RAPGEF6: variants seen among roughly 807,000 people sequenced by gnomAD.
RAPGEF6 encodes the protein Rap guanine nucleotide exchange factor 6.
Under a neutral mutation model 171.4 loss-of-function variants are expected in RAPGEF6, and 56 were observed. The ratio of observed to expected loss-of-function variants is 0.33; its 90% CI spans 0.26 to 0.41. RAPGEF6 has a LOEUF of 0.41. Among genes scored for constraint, RAPGEF6 ranks in the 10% least tolerant of loss-of-function variants. The pLI, the probability that RAPGEF6 is intolerant of heterozygous loss-of-function variation, is 1.00. For synonymous variants in RAPGEF6, 692 were observed against 650.1 expected (o/e 1.06, Z -0.98); for missense variants, 1,674 against 1,921.4 (o/e 0.87, Z 2.41).
chr5:131,463,956 T>C, intron 18 of RAPGEF6, 85 bp downstream of exon 18: 4 of 1,493,604 alleles, frequency 2.7e-6, no homozygotes, highest in Non-Finnish European at 3.6e-6. Context: ...AACATGATAA[T>C]GTTTCTACTT....
intron 5 of RAPGEF6, among the ~76,000 whole-genome samples, chr5:131,556,790 T>G (rs945152264): frequency 3.3e-5 from 5 of 152,194 alleles, no homozygotes; most frequent in African/African-American, 1.2e-4. Flanking sequence ...CATATTTCAC[T>G]GGGATTTCAT....
At chr5:131,475,684 C>G (rs997918343) in intron 16 of RAPGEF6, among the ~76,000 whole-genome samples, 3 of 152,206 alleles carry the variant, frequency 2.0e-5, no homozygotes, top group African/African-American at 7.2e-5. Context: ...TCAATAAAAA[C>G]CATACTTCCG....
chr5:131,578,681 G>T (rs535110596), intron 4 of RAPGEF6, among the ~76,000 whole-genome samples: 2 of 152,042 alleles, frequency 1.3e-5, no homozygotes, highest in Non-Finnish European at 2.9e-5. Flanking sequence ...AACTTCCACC[G>T]TCCAAATGTT....
intron 6 of RAPGEF6, chr5:131,533,025 A>G (rs975343365): frequency 2.0e-5 from 3 of 152,620 alleles, no homozygotes; most frequent in Non-Finnish European, 4.4e-5. Context: ...GTAAGATGAA[A>G]TATCTAATAA....
intron 6 of RAPGEF6, among the ~76,000 whole-genome samples, chr5:131,524,608 T>TGGAGAGAGAGAGAGAGAG (rs1758745734): frequency 2.4e-5 from 1 of 40,998 alleles, no homozygotes; most frequent in African/African-American, 9.0e-5. Flanking sequence ...GAGAGAGAGA[T>TGGAGAGAGAGAGAGAGAG]TGAGAGAGAG....
At chr5:131,613,736 C>T (rs1284206439) in intron 1 of RAPGEF6, among the ~76,000 whole-genome samples, 1 of 152,150 alleles carries the variant, frequency 6.6e-6, no homozygotes, top group African/African-American at 2.4e-5. Flanking sequence ...TCCTCTCTGA[C>T]AACAGACCAC....
At chr5:131,596,682 T>G (rs1203760214) in intron 3 of RAPGEF6, among the ~76,000 whole-genome samples, 1 of 151,962 alleles carries the variant, frequency 6.6e-6, no homozygotes, top group Non-Finnish European at 1.5e-5. Context: ...AAAATGTATA[T>G]CTCCTTGCAG....
intron 4 of RAPGEF6, among the ~76,000 whole-genome samples, chr5:131,563,339 G>T (rs1365264020): frequency 6.6e-6 from 1 of 151,996 alleles, no homozygotes; most frequent in Admixed American, 6.5e-5. Flanking sequence ...TCATTGATGG[G>T]CTAGAAACAA....
chr5:131,452,169 G>A (rs1270203255), intron 21 of RAPGEF6, among the ~76,000 whole-genome samples: 4 of 149,968 alleles, frequency 2.7e-5, no homozygotes, highest in South Asian at 2.1e-4. Flanking sequence ...GCAGTGAGCC[G>A]AGATTGCGCC....
intron 19 of RAPGEF6, among the ~76,000 whole-genome samples, chr5:131,461,377 T>A (rs554481634): frequency 3.3e-5 from 5 of 152,012 alleles, no homozygotes; most frequent in African/African-American, 1.2e-4. Flanking sequence ...AGTACAGAAG[T>A]CTAATGATAA....
At chr5:131,494,853 T>C (rs1486057785) in intron 13 of RAPGEF6, among the ~76,000 whole-genome samples, 3 of 152,168 alleles carry the variant, frequency 2.0e-5, no homozygotes, top group Non-Finnish European at 4.4e-5. Flanking sequence ...AACATACATG[T>C]GTATGACTAA....
chr5:131,621,904 C>T (rs542036641), intron 1 of RAPGEF6, among the ~76,000 whole-genome samples: 27 of 152,132 alleles, frequency 1.8e-4, no homozygotes, highest in Non-Finnish European at 3.4e-4. Flanking sequence ...TTCCTACAAA[C>T]TTCTGAGCAC....
At chr5:131,545,805 T>C (rs1320820240) in intron 6 of RAPGEF6, among the ~76,000 whole-genome samples, 2 of 152,246 alleles carry the variant, frequency 1.3e-5, no homozygotes, top group Non-Finnish European at 2.9e-5. Context: ...CCCGGTCTCA[T>C]AGTTAATAAA....
intron 19 of RAPGEF6, among the ~76,000 whole-genome samples, chr5:131,459,873 C>T (rs1753793571): frequency 6.6e-6 from 1 of 152,096 alleles, no homozygotes. Flanking sequence ...GTTACTTTCG[C>T]TGTGTACTCT....
chr5:131,454,918 C>A (rs1289531749), intron 20 of RAPGEF6, among the ~76,000 whole-genome samples: 1 of 152,154 alleles, frequency 6.6e-6, no homozygotes, highest in African/African-American at 2.4e-5. Flanking sequence ...CAGTGGAAGG[C>A]ACAGAACAAT....
intron 6 of RAPGEF6, among the ~76,000 whole-genome samples, chr5:131,546,253 T>C (rs1760519554): frequency 6.6e-6 from 1 of 151,878 alleles, no homozygotes; most frequent in Non-Finnish European, 1.5e-5. Context: ...CCTCTTGACA[T>C]TTTTTCTATA....
At chr5:131,572,024 C>T (rs1273254531) in intron 4 of RAPGEF6, among the ~76,000 whole-genome samples, 2 of 152,134 alleles carry the variant, frequency 1.3e-5, no homozygotes, top group Non-Finnish European at 2.9e-5. Flanking sequence ...CTATCTCAAA[C>T]CTATAAGAAC....
intron 15 of RAPGEF6, among the ~76,000 whole-genome samples, chr5:131,481,535 A>T (rs905475118): frequency 2.0e-5 from 3 of 152,112 alleles, no homozygotes; most frequent in Non-Finnish European, 2.9e-5. Flanking sequence ...CCGGCCTCAG[A>T]TATCTTTCTA....
rs1413960971 is a variant in RAPGEF6, at chr5:131,433,641, A to G, written c.3763T>C (p.Ser1255Pro). 2 of 1,609,728 alleles carry G rather than the reference A, an allele frequency of 1.2e-6. No homozygotes were observed. Among genetic ancestry groups the G allele is most frequent in the Non-Finnish European group, 1.7e-6 (2 of 1,176,080 alleles). Residue 1255 changes from serine to proline, a missense_variant, in exon 25 of 28, where the codon TCA becomes CCA. This residue lies in a region of RAPGEF6 where 552 missense variants were observed against 574.2 expected (regional missense o/e 0.96). Transcript: ENST00000509018. Reference sequence around the variant, plus strand: ...TCAGACAAGTTGTCAGATTTAGCTGATGGAATAAGTGTGTAACCTGAACAA... The same window carrying G: ...TCAGACAAGTTGTCAGATTTAGCTGGTGGAATAAGTGTGTAACCTGAACAA... ...SPHKGYTLIP[S>P]AKSDNLSDSS...
Sources: gnomAD v4.1 joint callset for allele counts (sites outside exome capture counted in the v4.1 genomes callset) on GRCh38, gnomAD v4.1.1 for gene constraint, gnomAD v4.1.1 regional missense constraint, MANE v1.5 for transcripts, NCBI Gene and HGNC (gene_info 2026-07-23, HGNC 2026-07-21) for gene names.